Variants in ATP13A4 observed in about 807,000 individuals in gnomAD.
ATP13A4 encodes probable cation-transporting ATPase 13A4.
ATP13A4 carries 114 observed loss-of-function variants against 142.5 expected under a neutral mutation model. The ratio of observed to expected loss-of-function variants is 0.80; its 90% CI spans 0.69 to 0.93. The LOEUF (loss-of-function observed/expected upper bound fraction) is 0.93, where lower values mean the gene tolerates loss of function less well. Ranked by LOEUF, ATP13A4 falls within the 40% of genes least tolerant of loss-of-function variation. The pLI is 0.00. For synonymous variants in ATP13A4, 488 were observed against 514.8 expected, an observed-to-expected ratio of 0.95 and a Z score of 0.70; for missense variants, 1,392 against 1,454.0, an observed-to-expected ratio of 0.96 and a Z score of 0.69.
At chr3:193,402,936 T>C (rs139148676) in intron 29 of ATP13A4, 72 bp from the exon 30 acceptor site, 8 of 1,364,830 alleles carry the variant, frequency 5.9e-6, no homozygotes, top group Admixed American at 1.9e-5. Context: ...CCACAGGCCA[T>C]CATAAGTCAC....
rs573793034 is a variant in ATP13A4 at position 193,406,732 on chromosome 3, G to C, written c.3378+581C>G. Among the ~76,000 whole-genome samples the C allele has an allele frequency of 5.9e-5, 9 of 152,304 alleles. No individual in the cohort carries two copies. In the South Asian group the frequency reaches 1.9e-3, roughly 32 times the overall value. On this transcript the variant is annotated intron_variant, in intron 29 of 29. Coordinates refer to ENST00000342695, the MANE Select transcript of ATP13A4 (RefSeq NM_032279.4). ...AAGGCAAAAATGATATGAGTTAAGT[G>C]AAAGAAGCCACACACAAAAGGCCAC...
At chr3:193,593,044 A>G (rs1724889539) in exon 1 of ATP13A4, 6 of 332,032 alleles carry the variant, frequency 1.8e-5, no homozygotes, top group Non-Finnish European at 3.3e-5. Context: ...TCCGAATTCC[A>G]AATCGGAAGC....
chr3:193,566,330 T>C (rs1029043188), intron 2 of ATP13A4, among the ~76,000 whole-genome samples: 3 of 152,134 alleles, frequency 2.0e-5, no homozygotes, highest in Non-Finnish European at 1.5e-5. Context: ...ATAGAACAGA[T>C]GGTCTCCAGC....
In ATP13A4 at chr3:193,502,637, A is replaced by T; in HGVS notation, c.237T>A (p.Asp79Glu). 6.2e-7 allele frequency: 1 copy of T among 1,613,918 alleles called. No homozygotes were observed. Among genetic ancestry groups the T allele is most frequent in the Non-Finnish European group, 8.5e-7 (1 of 1,179,818 alleles). ...EADTVLLRTT[D>E]EFQIYSWKKV... is the part of the protein sequence containing the mutation. ...TTTTCCAAGAGTAAATTTGGAATTC[A>T]TCCTGAGGAGATAGACATCAAAACC... Residue 79 changes from aspartate (D) to glutamate (E), a missense_variant and splice_region_variant, in exon 3 of 30, where the codon GAT becomes GAA. Coordinates refer to ENST00000342695, the MANE Select transcript of ATP13A4 (RefSeq NM_032279.4).
In ATP13A4 at chr3:193,410,974, A is replaced by G; in HGVS notation, c.3297+8T>C. 6.5e-7 allele frequency: 1 copy of G among 1,550,386 alleles called. No individual in the cohort carries two copies. The highest frequency in any genetic ancestry group is 8.9e-7 in the Non-Finnish European group (1 of 1,122,192). ...AAAGCATCATCATATCCCAAAGATTAGACTTACATCCAAACGTCTATATAA... is the reference window on the plus strand; with the variant it reads ...AAAGCATCATCATATCCCAAAGATTGGACTTACATCCAAACGTCTATATAA... On this transcript the variant is annotated splice_region_variant and intron_variant, in intron 28 of 29. Transcript: ENST00000342695.
In ATP13A4 at chr3:193,412,245, G is replaced by A. The variant is rs772505594; in HGVS notation, c.3141C>T (p.Ile1047=). The A allele has an allele frequency of 1.2e-6, 2 of 1,613,304 alleles. No individual in the cohort carries two copies. The highest frequency in any genetic ancestry group is 1.7e-6 in the Non-Finnish European group (2 of 1,179,384). Residue 1047 remains isoleucine (I), a synonymous_variant, in exon 27 of 30, where the codon ATC becomes ATT. Transcript: ENST00000342695. Reference sequence around the variant, plus strand: ...ACACAAGAGCCACAGTGATACAGTTGATTGTTCCCAAGAACCAGACTGTAG... The same window carrying A: ...ACACAAGAGCCACAGTGATACAGTTAATTGTTCCCAAGAACCAGACTGTAG... ...ENTTVWFLGT[I]NCITVALVFS...
chr3:193,461,389 A>G (rs1232302521), intron 13 of ATP13A4, among the ~76,000 whole-genome samples: 1 of 152,226 alleles, frequency 6.6e-6, no homozygotes, highest in Non-Finnish European at 1.5e-5. Context: ...ATATTTGAAC[A>G]AATGTACACA....
At chr3:193,554,571 T>C (rs1294302791) in intron 1 of ATP13A4, 169 bp downstream of exon 1, 2 of 795,386 alleles carry the variant, frequency 2.5e-6, no homozygotes, top group African/African-American at 1.7e-5. Flanking sequence ...ATTTACAGGA[T>C]AGAGAGATTT....
At chr3:193,540,234 C>T (rs902374526) in intron 1 of ATP13A4, among the ~76,000 whole-genome samples, 4 of 151,968 alleles carry the variant, frequency 2.6e-5, no homozygotes, top group Admixed American at 6.6e-5. Context: ...TCTGCTTGGT[C>T]ATAATTGATC....
chr3:193,426,560 C>T (rs910059530), intron 25 of ATP13A4, among the ~76,000 whole-genome samples: 2 of 151,800 alleles, frequency 1.3e-5, no homozygotes, highest in African/African-American at 4.8e-5. Flanking sequence ...TTCTAAAAAT[C>T]TTGAAAAGAA....
At chr3:193,464,577 T>C (rs1188373541) in intron 12 of ATP13A4, among the ~76,000 whole-genome samples, 1 of 152,240 alleles carries the variant, frequency 6.6e-6, no homozygotes, top group Admixed American at 6.5e-5. Context: ...ACTAACTATA[T>C]GCCAGGCAAT....
intron 1 of ATP13A4, among the ~76,000 whole-genome samples, chr3:193,540,496 G>C (rs1722828362): frequency 7.5e-6 from 1 of 134,040 alleles, no homozygotes. Flanking sequence ...ACCTCCAAAG[G>C]GTAGGATTTT....
At chr3:193,532,375 A>G (rs1217174297) in intron 1 of ATP13A4, among the ~76,000 whole-genome samples, 1 of 148,688 alleles carries the variant, frequency 6.7e-6, no homozygotes, top group African/African-American at 2.5e-5. Flanking sequence ...TCCTCTTTCT[A>G]TTCACTGTGG....
At chr3:193,466,372 C>G (rs533698321) in intron 10 of ATP13A4, among the ~76,000 whole-genome samples, 190 bp from the exon 11 acceptor site, 5 of 152,354 alleles carry the variant, frequency 3.3e-5, no homozygotes, top group Admixed American at 3.3e-4. Context: ...GCCCAGTACT[C>G]TCTCTGGCCT....
chr3:193,454,973 G>C (rs752676985), intron 16 of ATP13A4, among the ~76,000 whole-genome samples: 35 of 151,984 alleles, frequency 2.3e-4, no homozygotes, highest in Non-Finnish European at 3.7e-4. Flanking sequence ...TCCAACAAAG[G>C]TCTAATATCC....
At chr3:193,450,904 A>G (rs1560195751) in intron 17 of ATP13A4, among the ~76,000 whole-genome samples, 1 of 152,166 alleles carries the variant, frequency 6.6e-6, no homozygotes. Flanking sequence ...AAGTGAAAAC[A>G]CTATACAAAC....
chr3:193,431,409 T>C (rs75903809), intron 25 of ATP13A4, among the ~76,000 whole-genome samples: 2,073 of 152,066 alleles, frequency 0.014, 42 homozygotes, highest in African/African-American at 0.039. Flanking sequence ...AGATATAAAT[T>C]TGGGATTCAT....
Position 193,418,699 on chromosome 3 carries a change from G to A in ATP13A4, c.2843-3949C>T, listed in dbSNP as rs1007389052. On this transcript the variant is annotated intron_variant, in intron 25 of 29. Coordinates refer to ENST00000342695, the MANE Select transcript of ATP13A4 (RefSeq NM_032279.4). ...CCTCACAGGCACTGAACCAGCTGAGGGAGTTGCCTGAAGTCCACACAGCTG... is the reference window on the plus strand; with the variant it reads ...CCTCACAGGCACTGAACCAGCTGAGAGAGTTGCCTGAAGTCCACACAGCTG... Among the ~76,000 whole-genome samples, 18 of 149,904 alleles carry A rather than the reference G, an allele frequency of 1.2e-4. 1 individual carries two copies. The highest frequency in any genetic ancestry group is 4.2e-4 in the African/African-American group (17 of 40,764).
intron 28 of ATP13A4, among the ~76,000 whole-genome samples, chr3:193,408,909 A>G (rs1056954725): frequency 8.5e-5 from 13 of 152,202 alleles, no homozygotes; most frequent in Admixed American, 8.5e-4. Flanking sequence ...CTCTTGCATA[A>G]CTAAACTCAA....
Sources: gnomAD v4.1 joint callset for allele counts (sites outside exome capture counted in the v4.1 genomes callset) on GRCh38, gnomAD v4.1.1 for gene constraint, MANE v1.5 for transcripts, NCBI Gene and HGNC (gene_info 2026-07-23, HGNC 2026-07-21) for gene names.